The following TTC3 variants were observed in gnomAD, a reference collection of about 807,000 sequenced individuals.
TTC3 encodes E3 ubiquitin-protein ligase TTC3.
TTC3 carries 180 observed loss-of-function variants against 249.6 expected under a neutral mutation model. The observed-to-expected ratio is 0.72, with a 90% CI of 0.64 to 0.82. TTC3 has a LOEUF of 0.82. TTC3 is among the 40% of genes least tolerant of loss of function. The probability of loss-of-function intolerance (pLI) is 0.00; values close to 1 mark genes in which losing one functional copy is unlikely to be tolerated. For synonymous variants in TTC3, 717 were observed against 805.0 expected (o/e 0.89, Z 1.85); for missense variants, 2,061 against 2,398.4 (o/e 0.86, Z 2.94).
chr21:37,186,865 T>C (rs1011536689), intron 37 of TTC3, among the ~76,000 whole-genome samples, 184 bp from the exon 38 acceptor site: 6 of 152,312 alleles, frequency 3.9e-5, no homozygotes, highest in East Asian at 3.9e-4. Context: ...TGATCACTTA[T>C]AAAGCACAAA....
chr21:37,121,226 G>T (rs777323185), intron 11 of TTC3: 1 of 152,182 alleles, frequency 6.6e-6, no homozygotes, highest in Non-Finnish European at 1.5e-5. Context: ...CTGGTTTTTG[G>T]TTTCTTAAAG....
intron 7 of TTC3, chr21:37,093,404 G>GAAAAAAAAAAAAAAA (rs2073554057): frequency 7.2e-6 from 1 of 139,496 alleles, no homozygotes; most frequent in African/African-American, 2.7e-5. Flanking sequence ...AAAAAAAAAG[G>GAAAAAAAAAAAAAAA]AAATGCTCAT....
chr21:37,201,291 G>C, intron 45 of TTC3, 149 bp from the exon 46 acceptor site: 3 of 948,758 alleles, frequency 3.2e-6, no homozygotes, highest in Non-Finnish European at 5.0e-6. Flanking sequence ...GGCCTGAGCG[G>C]GTGTTGGTGT....
chr21:37,174,102 T>C (rs1183683034), intron 35 of TTC3, among the ~76,000 whole-genome samples: 2 of 151,846 alleles, frequency 1.3e-5, no homozygotes, highest in African/African-American at 4.8e-5. Flanking sequence ...GCCGAGGCTT[T>C]CCTGGCTTTA....
chr21:37,158,805 CTTGT>C (rs1354857656), intron 28 of TTC3, among the ~76,000 whole-genome samples: 3 of 152,130 alleles, frequency 2.0e-5, no homozygotes, highest in Non-Finnish European at 4.4e-5. Context: ...AAGAGTATAA[CTTGT>C]TTGTCATCAA....
intron 15 of TTC3, among the ~76,000 whole-genome samples, chr21:37,127,318 T>C (rs1011116559): frequency 2.0e-5 from 3 of 152,158 alleles, no homozygotes; most frequent in East Asian, 3.9e-4. Context: ...AACAGTGCTG[T>C]AGGCTAAGTC....
chr21:37,187,089 A>T (rs375751921), exon 38 of TTC3: 1 of 1,570,234 alleles, frequency 6.4e-7, no homozygotes, highest in Non-Finnish European at 8.6e-7. Context: ...AGAAGAGTAT[A>T]TAAAGAAAGG....
intron 1 of TTC3, among the ~76,000 whole-genome samples, chr21:37,079,004 C>T (rs1203181352): frequency 6.6e-6 from 1 of 152,178 alleles, no homozygotes; most frequent in Non-Finnish European, 1.5e-5. Context: ...TGCTTTTCTG[C>T]ATTTGTTGAG....
chr21:37,165,501 T>G, intron 32 of TTC3, 49 bp from the exon 33 acceptor site: 1 of 1,419,440 alleles, frequency 7.0e-7, no homozygotes, highest in South Asian at 1.4e-5. Context: ...AATAGACATA[T>G]TCAAGTACTT....
chr21:37,200,217 T>C lies in TTC3; in HGVS notation c.5851-15T>C, dbSNP rs1486935347. 2 of 1,613,460 alleles carry C rather than the reference T, an allele frequency of 1.2e-6. No homozygotes were observed. The highest frequency in any genetic ancestry group is 2.7e-5 in the African/African-American group (2 of 74,898). ...GTAGTTATTCTTTACTATTCAGGTG[T>C]GTTTGTTTCCACAGGCACTGGGTGC... is the stretch of plus-strand genomic sequence containing the variant. On this transcript the variant is annotated splice_polypyrimidine_tract_variant and intron_variant, in intron 44 of 45. Transcript: ENST00000355666.
At chr21:37,118,705 A>G (rs537434189) in intron 11 of TTC3, among the ~76,000 whole-genome samples, 1 of 151,930 alleles carries the variant, frequency 6.6e-6, no homozygotes, top group South Asian at 2.1e-4. Context: ...CATTTTCTCA[A>G]CTTTGCCTCC....
At chr21:37,104,935 G>A (rs1440468149) in intron 10 of TTC3, among the ~76,000 whole-genome samples, 1 of 152,238 alleles carries the variant, frequency 6.6e-6, no homozygotes, top group Non-Finnish European at 1.5e-5. Context: ...CTGGCCTAGA[G>A]AGAACCTAGG....
At chr21:37,087,429 T>A (rs1200202201) in intron 2 of TTC3, 28 bp downstream of exon 2, 5 of 1,612,018 alleles carry the variant, frequency 3.1e-6, no homozygotes, top group Non-Finnish European at 4.2e-6. Flanking sequence ...TTTTTCATTT[T>A]TGACATTGTG....
At chr21:37,197,861 C>T (rs777586896) in intron 43 of TTC3, 21 bp from the exon 44 acceptor site, 10 of 1,607,656 alleles carry the variant, frequency 6.2e-6, no homozygotes, top group Admixed American at 1.7e-5. Flanking sequence ...CCCCTCCCCG[C>T]CACCCCTGTT....
intron 39 of TTC3, among the ~76,000 whole-genome samples, chr21:37,189,467 A>G (rs926120816): frequency 1.3e-5 from 2 of 151,940 alleles, no homozygotes; most frequent in East Asian, 3.9e-4. Flanking sequence ...GATGGTCTCT[A>G]TCTCCTGACC....
At chr21:37,135,440 T>C (rs1462641879) in exon 18 of TTC3, 7 of 1,614,070 alleles carry the variant, frequency 4.3e-6, no homozygotes, top group Admixed American at 1.7e-5. Context: ...TATGGCCTTA[T>C]TGGAGCAGCG....
intron 11 of TTC3, among the ~76,000 whole-genome samples, chr21:37,110,391 A>G (rs2075545759): frequency 6.6e-6 from 1 of 152,250 alleles, no homozygotes; most frequent in Non-Finnish European, 1.5e-5. Context: ...AAACCACGGC[A>G]CGAGAACTAT....
intron 2 of TTC3, 90 bp from the exon 3 acceptor site, chr21:37,087,743 G>A (rs2072698691): frequency 4.8e-6 from 5 of 1,049,478 alleles, no homozygotes; most frequent in Non-Finnish European, 7.1e-6. Context: ...AATGCCCACT[G>A]AAAGTTCTTT....
At chr21:37,140,701 T>C in intron 20 of TTC3, 28 bp downstream of exon 20, 1 of 1,466,658 alleles carries the variant, frequency 6.8e-7, no homozygotes, top group South Asian at 1.2e-5. Context: ...TACTTTAAGC[T>C]CTAGGCTGGT....
Sources: gnomAD v4.1 joint callset for allele counts (sites outside exome capture counted in the v4.1 genomes callset) on GRCh38, gnomAD v4.1.1 for gene constraint, MANE v1.5 for transcripts, NCBI Gene and HGNC (gene_info 2026-07-23, HGNC 2026-07-21) for gene names.